ALS2: variants seen among roughly 807,000 people sequenced by gnomAD.
The protein encoded by ALS2 is alsin Rho guanine nucleotide exchange factor ALS2, also known as alsin.
Under a neutral mutation model 203.4 loss-of-function variants are expected in ALS2, and 117 were observed. The ratio of observed to expected loss-of-function variants is 0.58; its 90% CI spans 0.50 to 0.67. The LOEUF (loss-of-function observed/expected upper bound fraction) is 0.67. Among genes scored for constraint, ALS2 ranks in the 30% least tolerant of loss-of-function variants. ALS2 has a pLI of 0.00. For synonymous variants in ALS2, 718 were observed against 725.9 expected (o/e 0.99, Z 0.17); for missense variants, 1,715 against 1,989.4 (o/e 0.86, Z 2.62).
At chr2:201,723,301 TA>T in intron 22 of ALS2, 28 bp downstream of exon 22, 1 of 1,551,666 alleles carries the variant, frequency 6.4e-7, no homozygotes, top group Non-Finnish European at 8.9e-7. Context: ...AAAAAGTTAG[TA>T]ATAACTACAT....
In ALS2 at chr2:201,757,599, T is replaced by G. The variant is rs774305420; in HGVS notation, c.1274A>C (p.Tyr425Ser). ...TCCAGTTTCACAAGGGGTTGTACTA[T>G]AAAAGTTCATAACTTTCTTCAGTGA... The part of the protein sequence containing the change: ...ALSLKKVMNF[Y>S]STTPCETGAQ... Residue 425 changes from tyrosine (Y) to serine (S), a missense_variant, in exon 5 of 34, where the codon TAT becomes TCT. Tyr to Ser is a moderately radical substitution (Grantham distance 144, BLOSUM62 -2). Transcript: ENST00000264276. 6.2e-7 allele frequency: 1 copy of G among 1,614,156 alleles called. No individual in the cohort carries two copies. The highest frequency in any genetic ancestry group is 1.1e-5 in the South Asian group (1 of 91,086).
chr2:201,707,614 G>A lies in ALS2; in HGVS notation c.4403+255C>T, dbSNP rs7589396. Among the ~76,000 whole-genome samples, 31,524 of 151,614 alleles carry A rather than the reference G, an allele frequency of 0.21. 3,778 individuals carry two copies. The highest frequency in any genetic ancestry group is 0.39 in the East Asian group (2,008 of 5,130). On this transcript the variant is annotated intron_variant, in intron 28 of 33. Transcript: ENST00000264276. The stretch of plus-strand genomic sequence containing the variant: ...CCTGCTAATTTTTTTTATTTTTGTA[G>A]AGATGGGGTCTCCCTATCTTGCCCA...
rs550101762 is a variant in ALS2 at position 201,712,449 on chromosome 2, A to G, written c.4005-1341T>C. Among the ~76,000 whole-genome samples, 7 of 152,360 alleles carry G rather than the reference A, an allele frequency of 4.6e-5. No homozygotes were observed. The South Asian group carries it at 1.4e-3, about 32-fold the overall frequency. ...TTCTGAATAAATGGATACTTGCTCA[A>G]TTTTTCTTCAATTCCCTTTAGAAAG... On this transcript the variant is annotated intron_variant, in intron 25 of 33. Coordinates refer to ENST00000264276, the MANE Select transcript of ALS2 (RefSeq NM_020919.4).
chr2:201,744,421 A>G lies in ALS2; in HGVS notation c.2007T>C (p.Tyr669=). The change falls in exon 10 of 34, where the codon TAT becomes TAC. Residue 669 remains tyrosine (Y), a synonymous_variant. Coordinates refer to ENST00000264276, the MANE Select transcript of ALS2 (RefSeq NM_020919.4). ...CTTTTCCTGCTGTCACTCTGCTTAT[A>G]TATCCAAGCTGAAACAGAAGAAAAC... is the stretch of plus-strand genomic sequence containing the variant. The part of the protein sequence containing the change: ...PVLLSCSKLG[Y]ISRVTAGKDS... 1 of 1,614,046 alleles carries G rather than the reference A, an allele frequency of 6.2e-7. No individual in the cohort carries two copies. Among genetic ancestry groups the G allele is most frequent in the Non-Finnish European group, 8.5e-7 (1 of 1,179,978 alleles).
chr2:201,764,233 G>A (rs1693938569), intron 3 of ALS2, among the ~76,000 whole-genome samples: 2 of 152,116 alleles, frequency 1.3e-5, no homozygotes, highest in Admixed American at 1.3e-4. Flanking sequence ...AGCTCACCAA[G>A]TCTTTCAATT....
At chr2:201,777,961 A>T (rs1228082235) in intron 1 of ALS2, among the ~76,000 whole-genome samples, 1 of 152,172 alleles carries the variant, frequency 6.6e-6, no homozygotes, top group African/African-American at 2.4e-5. Flanking sequence ...TAATCTTTAC[A>T]GTTGGATTGC....
intron 4 of ALS2, chr2:201,759,389 G>A (rs1228575714): frequency 1.2e-5 from 11 of 955,054 alleles, no homozygotes; most frequent in Non-Finnish European, 1.2e-5. Flanking sequence ...AATTCCTTGT[G>A]AATTAGCTGT....
intron 24 of ALS2, among the ~76,000 whole-genome samples, chr2:201,716,984 T>C (rs1208632676): frequency 1.3e-5 from 2 of 152,270 alleles, no homozygotes; most frequent in East Asian, 1.9e-4. Context: ...ACTTCTGTGA[T>C]TGTGCCACAT....
intron 23 of ALS2, among the ~76,000 whole-genome samples, chr2:201,720,373 A>T (rs573238013): frequency 6.6e-6 from 1 of 152,160 alleles, no homozygotes; most frequent in South Asian, 2.1e-4. Flanking sequence ...AAACCACATG[A>T]TCATCTCAAC....
intron 9 of ALS2, 45 bp from the exon 10 acceptor site, chr2:201,744,474 T>C: frequency 6.3e-7 from 1 of 1,580,904 alleles, no homozygotes; most frequent in Non-Finnish European, 8.6e-7. Context: ...CATATAATTA[T>C]GTTACTAATT....
chr2:201,715,015 A>T (rs1025166316), intron 25 of ALS2, among the ~76,000 whole-genome samples: 2 of 152,190 alleles, frequency 1.3e-5, no homozygotes, highest in Non-Finnish European at 2.9e-5. Context: ...AGAACAGAGA[A>T]CAAAGCCAAA....
At chr2:201,740,662 A>G (rs1025965804) in intron 11 of ALS2, among the ~76,000 whole-genome samples, 3 of 152,198 alleles carry the variant, frequency 2.0e-5, no homozygotes, top group Non-Finnish European at 2.9e-5. Flanking sequence ...ACAGCTTCAA[A>G]TATTTTCAAT....
Position 201,754,694 on chromosome 2 carries a change from G to T in ALS2, c.1472-23C>A, listed in dbSNP as rs1693278411. ...AAACTGAAAACCAACCAGACGTGGG[G>T]TGAAGGAGTGGGAGTCCAGAGGGTA... is the stretch of plus-strand genomic sequence containing the variant. On this transcript the variant is annotated intron_variant, in intron 5 of 33. Transcript: ENST00000264276. 6.2e-6 allele frequency: 10 copies of T among 1,613,530 alleles called. No individual in the cohort carries two copies. The East Asian group carries it at 2.0e-4, about 32-fold the overall frequency.
chr2:201,769,686 T>C (rs573178363), intron 1 of ALS2, among the ~76,000 whole-genome samples: 20 of 152,160 alleles, frequency 1.3e-4, no homozygotes, highest in Non-Finnish European at 2.8e-4. Flanking sequence ...AAATGCTGAG[T>C]GCATTTCAAC....
At position 201,754,561 on chromosome 2, in the gene ALS2, C is replaced by A. The variant is rs1159866631; in HGVS notation, c.1582G>T (p.Val528Leu). 6.2e-7 allele frequency: 1 copy of A among 1,614,150 alleles called. No individual in the cohort carries two copies. Among genetic ancestry groups the A allele is most frequent in the East Asian group, 2.2e-5 (1 of 44,878 alleles). The change falls in exon 6 of 34, where the codon GTG becomes TTG. Residue 528 changes from valine (V) to leucine (L), a missense_variant. Around this residue, in one of 3 missense-constraint regions of ALS2, gnomAD observed 1,227 missense variants for 1,413.5 expected, o/e 0.87. Coordinates refer to ENST00000264276, the MANE Select transcript of ALS2 (RefSeq NM_020919.4). ...DALLPSLRTE[V>L]WTWGKGKEGQ... Reference sequence around the variant, plus strand: ...TCCTTCCCTTTCCCCCAGGTCCACACTTCTGTTCTCAGAGAAGGCAGGAGC... The same window carrying A: ...TCCTTCCCTTTCCCCCAGGTCCACAATTCTGTTCTCAGAGAAGGCAGGAGC...
chr2:201,718,308 G>A, intron 23 of ALS2, 98 bp from the exon 24 acceptor site: 2 of 1,353,924 alleles, frequency 1.5e-6, no homozygotes, highest in Non-Finnish European at 2.1e-6. Flanking sequence ...TGCCCAGGCT[G>A]GAGTGCAGTG....
chr2:201,725,225 AT>A (rs764371459), intron 20 of ALS2, 130 bp downstream of exon 20: 108 of 746,290 alleles, frequency 1.4e-4, no homozygotes, highest in Non-Finnish European at 2.4e-4. Flanking sequence ...TTTCAATTTT[AT>A]TTACTCCTCT....
intron 28 of ALS2, 56 bp from the exon 29 acceptor site, chr2:201,707,078 A>C: frequency 6.6e-7 from 1 of 1,513,144 alleles, no homozygotes; most frequent in Non-Finnish European, 9.0e-7. Flanking sequence ...AATTGAATAC[A>C]GAATCCAAGG....
At position 201,709,963 on chromosome 2, in the gene ALS2, C is replaced by T. The variant is rs907304534; in HGVS notation, c.4198G>A (p.Gly1400Ser). ...LVAVYRMTYV[G>S]VGANRRLLQE... ...AATAACCTGCGGTTGGCTCCTACGC[C>T]CACGTATGTCATTCTATACACTGCA... is the stretch of plus-strand genomic sequence containing the variant. Residue 1400 changes from glycine to serine, a missense_variant, in exon 27 of 34, where the codon GGC becomes AGC. Around this residue, in one of 3 missense-constraint regions of ALS2, gnomAD observed 1,227 missense variants for 1,413.5 expected, o/e 0.87. Transcript: ENST00000264276. 1.9e-6 allele frequency: 3 copies of T among 1,613,970 alleles called. No individual in the cohort carries two copies. The African/African-American group carries it at 4.0e-5, about 22-fold the overall frequency.
Sources: gnomAD v4.1 joint callset for allele counts (sites outside exome capture counted in the v4.1 genomes callset) on GRCh38, gnomAD v4.1.1 for gene constraint, gnomAD v4.1.1 regional missense constraint, MANE v1.5 for transcripts, NCBI Gene and HGNC (gene_info 2026-07-23, HGNC 2026-07-21) for gene names.